Variants in GALNT18 observed in about 807,000 individuals in gnomAD.
The protein encoded by GALNT18 is GalNAc-transferase 18.
GALNT18 carries 44 observed loss-of-function variants against 69.5 expected under a neutral mutation model. The ratio of observed to expected loss-of-function variants is 0.63; its 90% confidence interval spans 0.50 to 0.81. The LOEUF (loss-of-function observed/expected upper bound fraction) is 0.81. Among genes scored for constraint, GALNT18 ranks in the 40% least tolerant of loss-of-function variants. The pLI is 0.00. For missense variants in GALNT18, 715 were observed against 810.0 expected (o/e 0.88, Z 1.42); for synonymous variants, 364 against 318.2 (o/e 1.14, Z -1.53).
intron 1 of GALNT18, among the ~76,000 whole-genome samples, chr11:11,518,370 T>C (rs1246481668): frequency 6.6e-6 from 1 of 152,178 alleles, no homozygotes; most frequent in Admixed American, 6.5e-5. Context: ...TTCTGACAAG[T>C]TCGATTATGG....
chr11:11,562,922 C>T lies in GALNT18; in HGVS notation c.235+58437G>A, dbSNP rs967298560. 2.0e-5 allele frequency among the ~76,000 whole-genome samples: 3 copies of T among 152,182 alleles called. No homozygotes were observed. The highest frequency in any genetic ancestry group is 4.4e-5 in the Non-Finnish European group (3 of 68,036). ...ACCCTGCCTCAGGCTTCATTCAGCACCCCCACAGCCCTCAAGTTCACAGAT... is the reference window on the plus strand; with the variant it reads ...ACCCTGCCTCAGGCTTCATTCAGCATCCCCACAGCCCTCAAGTTCACAGAT... On this transcript the variant is annotated intron_variant, in intron 1 of 10. Coordinates refer to ENST00000227756, the MANE Select transcript of GALNT18 (RefSeq NM_198516.3). This position sits in a 1 kb window ranked among gnomAD's most constrained non-coding sequence, Gnocchi z 4.1.
At chr11:11,471,725 T>TG (rs141353432) in intron 1 of GALNT18, among the ~76,000 whole-genome samples, 1 of 152,156 alleles carries the variant, frequency 6.6e-6, no homozygotes, top group African/African-American at 2.4e-5. Context: ...GTTACCTGCC[T>TG]GGGGGTACTC....
intron 1 of GALNT18, among the ~76,000 whole-genome samples, chr11:11,553,905 G>A (rs1858262090): frequency 6.6e-6 from 1 of 152,212 alleles, no homozygotes; most frequent in Non-Finnish European, 1.5e-5. Flanking sequence ...CCCTAAGGCA[G>A]CCCCGGAAAA....
At position 11,332,132 on chromosome 11, in the gene GALNT18, G is replaced by A. The variant is rs11021807; in HGVS notation, c.1416+562C>T. 0.044 allele frequency among the ~76,000 whole-genome samples: 6,624 copies of A among 152,192 alleles called. 216 individuals carry two copies. The highest frequency in any genetic ancestry group is 0.064 in the Non-Finnish European group (4,356 of 68,002). On this transcript the variant is annotated intron_variant, in intron 8 of 10. Coordinates refer to ENST00000227756, the MANE Select transcript of GALNT18 (RefSeq NM_198516.3). The surrounding 1 kb of genome is among the most constrained non-coding windows in gnomAD (Gnocchi z 4.3). ...CCTGGTTAAGATTTGAACCAGGTCT[G>A]TCTAACTCCAAACCCTATGCTCTGC... is the stretch of plus-strand genomic sequence containing the variant.
chr11:11,353,134 C>G, intron 6 of GALNT18: 4 of 1,613,526 alleles, frequency 2.5e-6, no homozygotes, highest in Non-Finnish European at 3.4e-6. Context: ...GACAGGTTGG[C>G]GGACAAAGCT....
chr11:11,558,576 T>C (rs963034204), intron 1 of GALNT18, among the ~76,000 whole-genome samples: 3 of 152,202 alleles, frequency 2.0e-5, no homozygotes, highest in Non-Finnish European at 2.9e-5. Context: ...TCAGGCAGCA[T>C]TTCCACCCTT....
At position 11,293,157 on chromosome 11, in the gene GALNT18, C is replaced by A. The variant is rs1181110111; in HGVS notation, c.1549G>T (p.Gly517Cys). The part of the protein sequence containing the change: ...YYTSSQQIHV[G>C]ILSPTVDDDD... ...TCATCCACGGTGGGGCTCAGAATGC[C>A]CACATGGATCTGCTGACTGCTCGTG... The change falls in exon 10 of 11, where the codon GGC becomes TGC. Residue 517 changes from glycine to cysteine, a missense_variant. Coordinates refer to ENST00000227756, the MANE Select transcript of GALNT18 (RefSeq NM_198516.3). 3 of 1,345,692 alleles carry A rather than the reference C, an allele frequency of 2.2e-6. No individual in the cohort carries two copies. The highest frequency in any genetic ancestry group is 1.9e-6 in the Non-Finnish European group (2 of 1,038,528). 83.4% of individuals were successfully genotyped at this position (1,345,692 alleles called of 1,614,324 possible).
rs187230407 is a variant in GALNT18 at position 11,340,026 on chromosome 11, C to T, written c.1278+793G>A. ...CAATAGCTCTGATAGCTCTGTCTCACACAGAATGCAACATAAGCAATGAAC... is the reference window on the plus strand; with the variant it reads ...CAATAGCTCTGATAGCTCTGTCTCATACAGAATGCAACATAAGCAATGAAC... On this transcript the variant is annotated intron_variant, in intron 7 of 10. Coordinates refer to ENST00000227756, the MANE Select transcript of GALNT18 (RefSeq NM_198516.3). The surrounding 1 kb of genome is among the most constrained non-coding windows in gnomAD (Gnocchi z 4.2). Among the ~76,000 whole-genome samples, 27 of 152,294 alleles carry T rather than the reference C, an allele frequency of 1.8e-4. No homozygotes were observed. Among genetic ancestry groups the T allele is most frequent in the African/African-American group, 5.3e-4 (22 of 41,560 alleles).
intron 3 of GALNT18, among the ~76,000 whole-genome samples, chr11:11,406,834 C>T (rs1200742919): frequency 6.6e-6 from 1 of 152,220 alleles, no homozygotes; most frequent in Non-Finnish European, 1.5e-5. Flanking sequence ...TGTCCTTGGC[C>T]AGTGGATGTT....
chr11:11,585,656 G>A (rs531532170), intron 1 of GALNT18, among the ~76,000 whole-genome samples: 1 of 152,096 alleles, frequency 6.6e-6, no homozygotes, highest in Non-Finnish European at 1.5e-5. Context: ...GCGCCCGGCC[G>A]AAAAATCTTT....
chr11:11,497,750 C>CTATATATA lies in GALNT18; in HGVS notation c.236-48822_236-48815dup, dbSNP rs56791321. On this transcript the variant is annotated intron_variant, in intron 1 of 10. Transcript: ENST00000227756. The surrounding 1 kb of genome is among the most constrained non-coding windows in gnomAD (Gnocchi z 4.2). Reference sequence around the variant, plus strand: ...ATGTGTATGTGCATATACATATTTTCTATATATATATATATATACACACAC... The same window carrying CTATATATA: ...ATGTGTATGTGCATATACATATTTTCTATATATATATATATATATATATATACACACAC... Among the ~76,000 whole-genome samples, 1,358 of 144,888 alleles carry CTATATATA rather than the reference C, an allele frequency of 9.4e-3. 11 individuals are homozygous for CTATATATA. Among genetic ancestry groups the CTATATATA allele is most frequent in the African/African-American group, 0.028 (1,111 of 39,328 alleles).
In GALNT18 at chr11:11,414,390, G is replaced by A. The variant is rs778687518; in HGVS notation, c.595+18231C>T. On this transcript the variant is annotated intron_variant, in intron 3 of 10. Transcript: ENST00000227756. ...CAATACCATCTCAAGCCATCCTCCC[G>A]CTTCCTTACCACCCTCCAGCCACAC... is the stretch of plus-strand genomic sequence containing the variant. Among the ~76,000 whole-genome samples the A allele has an allele frequency of 1.2e-3, 177 of 152,192 alleles. 2 individuals are homozygous for A. The highest frequency in any genetic ancestry group is 1.1e-3 in the Non-Finnish European group (74 of 68,002).
intron 10 of GALNT18, among the ~76,000 whole-genome samples, chr11:11,275,621 G>T (rs1001235617): frequency 3.3e-5 from 5 of 152,178 alleles, no homozygotes; most frequent in African/African-American, 1.2e-4. Context: ...CCGATGTCCC[G>T]AATGGTACTG....
chr11:11,543,981 A>G lies in GALNT18; in HGVS notation c.235+77378T>C, dbSNP rs1415481950. ...CAGTCCTCTGTCACAATTGCCTACA[A>G]ACTTAATAAAAATGGATTTTGGGGC... On this transcript the variant is annotated intron_variant, in intron 1 of 10. Transcript: ENST00000227756. The surrounding 1 kb of genome is among the most constrained non-coding windows in gnomAD (Gnocchi z 5.1). Among the ~76,000 whole-genome samples the G allele has an allele frequency of 6.6e-6, 1 of 152,206 alleles. No homozygotes were observed. The highest frequency in any genetic ancestry group is 1.5e-5 in the Non-Finnish European group (1 of 68,038).
chr11:11,587,016 A>G lies in GALNT18; in HGVS notation c.235+34343T>C, dbSNP rs1394346492. On this transcript the variant is annotated intron_variant, in intron 1 of 10. Coordinates refer to ENST00000227756, the MANE Select transcript of GALNT18 (RefSeq NM_198516.3). This position sits in a 1 kb window ranked among gnomAD's most constrained non-coding sequence, Gnocchi z 4.4. ...AATAAATAAATAAATAAATAAATAA[A>G]CTCAAATTTCCTCCCATTTTAGAAA... Among the ~76,000 whole-genome samples, 1 of 151,742 alleles carries G rather than the reference A, an allele frequency of 6.6e-6. No individual in the cohort carries two copies. The highest frequency in any genetic ancestry group is 1.5e-5 in the Non-Finnish European group (1 of 67,942).
intron 1 of GALNT18, among the ~76,000 whole-genome samples, chr11:11,483,642 C>G (rs1311679454): frequency 6.6e-6 from 1 of 151,896 alleles, no homozygotes; most frequent in Admixed American, 6.6e-5. Flanking sequence ...AAGGTCAGCA[C>G]GCCAACTTCA....
Position 11,387,207 on chromosome 11 carries a change from T to G in GALNT18, c.596-7943A>C, listed in dbSNP as rs1854078493. On this transcript the variant is annotated intron_variant, in intron 3 of 10. Coordinates refer to ENST00000227756, the MANE Select transcript of GALNT18 (RefSeq NM_198516.3). The surrounding 1 kb of genome is among the most constrained non-coding windows in gnomAD (Gnocchi z 4.6). Reference sequence around the variant, plus strand: ...ACTGGCCCCATCTTGCTGCCCTCAGTTGCCGGTCCTTCCCTTTCCAGCTGC... The same window carrying G: ...ACTGGCCCCATCTTGCTGCCCTCAGGTGCCGGTCCTTCCCTTTCCAGCTGC... 6.6e-6 allele frequency among the ~76,000 whole-genome samples: 1 copy of G among 152,226 alleles called. No homozygotes were observed. The highest frequency in any genetic ancestry group is 6.5e-5 in the Admixed American group (1 of 15,290).
intron 1 of GALNT18, among the ~76,000 whole-genome samples, chr11:11,565,475 C>G (rs981765425): frequency 6.6e-6 from 1 of 152,098 alleles, no homozygotes; most frequent in Non-Finnish European, 1.5e-5. Flanking sequence ...GATCTAAGGC[C>G]TCTAAGCATG....
Position 11,320,695 on chromosome 11 carries a change from T to C in GALNT18, c.1512+6391A>G, listed in dbSNP as rs1053964694. ...TTGCCAGACAGCAGCCCCTTACCTTTCACTCATCCCCTGCCCCTGCGTTCA... is the reference window on the plus strand; with the variant it reads ...TTGCCAGACAGCAGCCCCTTACCTTCCACTCATCCCCTGCCCCTGCGTTCA... On this transcript the variant is annotated intron_variant, in intron 9 of 10. Coordinates refer to ENST00000227756, the MANE Select transcript of GALNT18 (RefSeq NM_198516.3). The surrounding 1 kb of genome is among the most constrained non-coding windows in gnomAD (Gnocchi z 4.9). Among the ~76,000 whole-genome samples, 3 of 152,134 alleles carry C rather than the reference T, an allele frequency of 2.0e-5. No individual in the cohort carries two copies. The highest frequency in any genetic ancestry group is 4.4e-5 in the Non-Finnish European group (3 of 68,016).
Sources: gnomAD v4.1 joint callset for allele counts (sites outside exome capture counted in the v4.1 genomes callset) on GRCh38, gnomAD v4.1.1 for gene constraint, Gnocchi (gnomAD v3.1) non-coding constraint, MANE v1.5 for transcripts, NCBI Gene and HGNC (gene_info 2026-07-23, HGNC 2026-07-21) for gene names.